Variants in CFAP92 observed in about 807,000 individuals in gnomAD.
The protein encoded by CFAP92 is cilia and flagella associated protein 92 (putative), also known as uncharacterized protein CFAP92.
CFAP92 carries 86 observed loss-of-function variants against 106.3 expected under a neutral mutation model. That is an observed-to-expected ratio of 0.81 (90% CI 0.68 to 0.97). The LOEUF (loss-of-function observed/expected upper bound fraction) is 0.97. CFAP92 is among the 50% of genes least tolerant of loss of function. The pLI is 0.00. For synonymous variants in CFAP92, 477 were observed against 506.4 expected (o/e 0.94, Z 0.78); for missense variants, 1,204 against 1,283.8 (o/e 0.94, Z 0.95).
intron 9 of CFAP92, among the ~76,000 whole-genome samples, chr3:128,959,855 CCT>C (rs1941744346): frequency 1.3e-5 from 2 of 152,220 alleles, no homozygotes; most frequent in South Asian, 4.1e-4. Context: ...CATCACATCC[CCT>C]GTGACTTGCA....
At chr3:128,956,196 T>TAAATA (rs1941372225) in intron 9 of CFAP92, among the ~76,000 whole-genome samples, 1 of 61,714 alleles carries the variant, frequency 1.6e-5, no homozygotes, top group African/African-American at 9.2e-5. Context: ...AAAAAAAAAA[T>TAAATA]AAAAAAAAAA....
At chr3:128,935,044 G>A in intron 11 of CFAP92, 81 bp downstream of exon 11, 2 of 1,175,220 alleles carry the variant, frequency 1.7e-6, no homozygotes, top group Non-Finnish European at 2.3e-6. Flanking sequence ...GGATGCCCCA[G>A]CTTGCCTGTT....
intron 11 of CFAP92, among the ~76,000 whole-genome samples, chr3:128,934,399 A>G (rs950377257): frequency 2.0e-5 from 3 of 150,846 alleles, no homozygotes; most frequent in Non-Finnish European, 4.4e-5. Context: ...TTGTATTTTT[A>G]GTAGAGATGG....
chr3:128,940,695 T>C (rs1576453158), intron 10 of CFAP92, among the ~76,000 whole-genome samples: 1 of 152,222 alleles, frequency 6.6e-6, no homozygotes, highest in Admixed American at 6.5e-5. Context: ...ATAGGTCTGC[T>C]TGTCTATCTC....
chr3:129,013,063 T>C, the CFAP92 span, among the ~76,000 whole-genome samples: 113 of 152,324 alleles, frequency 7.4e-4, no homozygotes, highest in African/African-American at 2.6e-3. Context: ...TGGCTTGTCC[T>C]GTAGCTCCAG....
chr3:128,999,365 G>A (rs1033432672), intron 1 of CFAP92, among the ~76,000 whole-genome samples: 1 of 152,038 alleles, frequency 6.6e-6, no homozygotes, highest in Non-Finnish European at 1.5e-5. Context: ...GGCCGGCAAC[G>A]GCTCCCAGCA....
At chr3:128,930,802 A>T (rs1198186511) in intron 12 of CFAP92, among the ~76,000 whole-genome samples, 1 of 152,202 alleles carries the variant, frequency 6.6e-6, no homozygotes, top group African/African-American at 2.4e-5. Context: ...TAACAAAATT[A>T]TATTAACCCA....
chr3:129,003,893 G>T (rs1944928196), upstream of CFAP92: 1 of 1,383,222 alleles, frequency 7.2e-7, no homozygotes. Flanking sequence ...CGCCCTGGCT[G>T]CGGCGGAGGC....
At chr3:128,917,481 G>C (rs148741820) in intron 12 of CFAP92, among the ~76,000 whole-genome samples, 272 of 152,250 alleles carry the variant, frequency 1.8e-3, no homozygotes, top group African/African-American at 6.1e-3. Context: ...CTGCTGAGGG[G>C]TGACACCTGC....
intron 10 of CFAP92, among the ~76,000 whole-genome samples, chr3:128,942,561 C>T (rs972870641): frequency 3.9e-5 from 6 of 152,238 alleles, no homozygotes; most frequent in African/African-American, 1.4e-4. Context: ...CCAGTCCCCT[C>T]CCTGAACAAA....
At chr3:128,921,161 C>G (rs1338653306) in intron 12 of CFAP92, among the ~76,000 whole-genome samples, 1 of 152,126 alleles carries the variant, frequency 6.6e-6, no homozygotes, top group Non-Finnish European at 1.5e-5. Context: ...CTTCATAGTC[C>G]CCACAGCCTG....
At chr3:128,920,302 C>T (rs755506425) in intron 12 of CFAP92, among the ~76,000 whole-genome samples, 1 of 152,126 alleles carries the variant, frequency 6.6e-6, no homozygotes, top group South Asian at 2.1e-4. Flanking sequence ...ATTCAGAAGG[C>T]TGAGGCAGGG....
chr3:128,978,242 AT>A (rs35203944), intron 4 of CFAP92, 57 bp from the exon 5 acceptor site: 36,367 of 1,573,344 alleles, frequency 0.023, 2,533 homozygotes, highest in African/African-American at 0.22. Flanking sequence ...TATTTATTGA[AT>A]TAACTACTAT....
At chr3:128,927,381 G>A (rs897851086) in intron 12 of CFAP92, among the ~76,000 whole-genome samples, 1 of 152,098 alleles carries the variant, frequency 6.6e-6, no homozygotes, top group Admixed American at 6.6e-5. Context: ...CACAGATGAC[G>A]TGATCCAGTT....
At chr3:128,943,809 T>A (rs1009539216) in intron 10 of CFAP92, among the ~76,000 whole-genome samples, 2 of 152,236 alleles carry the variant, frequency 1.3e-5, no homozygotes, top group East Asian at 3.9e-4. Context: ...AGTGCTGGGA[T>A]AACAGGTGTG....
intron 12 of CFAP92, among the ~76,000 whole-genome samples, chr3:128,931,612 A>C (rs1175736997): frequency 6.6e-6 from 1 of 151,686 alleles, no homozygotes; most frequent in Non-Finnish European, 1.5e-5. Context: ...GAAAGGTGTA[A>C]GTTTTAAAGT....
At chr3:128,933,321 G>T (rs1025899307) in intron 11 of CFAP92, among the ~76,000 whole-genome samples, 3 of 152,188 alleles carry the variant, frequency 2.0e-5, no homozygotes, top group Non-Finnish European at 4.4e-5. Flanking sequence ...GCCCATCAGG[G>T]ATGTAGAGCA....
intron 10 of CFAP92, among the ~76,000 whole-genome samples, chr3:128,938,198 C>G (rs1462014474): frequency 6.6e-6 from 1 of 152,044 alleles, no homozygotes; most frequent in Non-Finnish European, 1.5e-5. Flanking sequence ...CACCACTGCA[C>G]TCCAGCCTGG....
chr3:129,025,091 G>A, the CFAP92 span, among the ~76,000 whole-genome samples: 2 of 152,120 alleles, frequency 1.3e-5, no homozygotes, highest in South Asian at 4.1e-4. Context: ...CCAAATAGAG[G>A]TGCCACAGTT....
Sources: allele counts gnomAD v4.1 joint callset (sites outside exome capture counted in the v4.1 genomes callset), GRCh38; gene constraint gnomAD v4.1.1; transcripts MANE v1.5; gene names NCBI Gene and HGNC (gene_info 2026-07-23, HGNC 2026-07-21).